The following FBXW11 variants were observed in gnomAD, a reference collection of about 807,000 sequenced individuals.
The protein encoded by FBXW11 is F-box and WD repeat domain containing 11.
In FBXW11, 19 loss-of-function variants were observed where a neutral mutation model predicts 77.6. The observed-to-expected ratio is 0.24, with a 90% CI of 0.17 to 0.36. The LOEUF (loss-of-function observed/expected upper bound fraction) is 0.36. Ranked by LOEUF, FBXW11 falls within the 10% of genes least tolerant of loss-of-function variation. FBXW11 has a pLI of 1.00. For missense variants in FBXW11, 334 were observed against 704.2 expected, an observed-to-expected ratio of 0.47 and a Z score of 5.95; for synonymous variants, 235 against 249.4, an observed-to-expected ratio of 0.94 and a Z score of 0.54.
At chr5:171,868,886 G>C in intron 12 of FBXW11, 90 bp from the exon 13 acceptor site, 2 of 1,252,966 alleles carry the variant, frequency 1.6e-6, no homozygotes, top group Non-Finnish European at 1.1e-6. Flanking sequence ...TGAAAATGCA[G>C]CCACTTAAAC....
At chr5:172,000,523 T>C (rs1219550037) in intron 1 of FBXW11, among the ~76,000 whole-genome samples, 1 of 152,206 alleles carries the variant, frequency 6.6e-6, no homozygotes, top group Non-Finnish European at 1.5e-5. Flanking sequence ...AATGTATGGC[T>C]AAAAGCAACT....
intron 1 of FBXW11, among the ~76,000 whole-genome samples, chr5:171,976,947 A>T (rs955128738): frequency 1.4e-4 from 21 of 151,904 alleles, no homozygotes; most frequent in Admixed American, 4.6e-4. Context: ...CTGGGAGGCT[A>T]AGGCAGGAGA....
At chr5:171,885,749 T>G (rs868240000) in intron 7 of FBXW11, among the ~76,000 whole-genome samples, 1 of 152,246 alleles carries the variant, frequency 6.6e-6, no homozygotes, top group Admixed American at 6.5e-5. Flanking sequence ...ACATGTACAA[T>G]ACTATCATAA....
At chr5:171,982,116 C>T (rs893832125) in intron 1 of FBXW11, among the ~76,000 whole-genome samples, 1 of 152,042 alleles carries the variant, frequency 6.6e-6, no homozygotes, top group Non-Finnish European at 1.5e-5. Context: ...ATATATATTT[C>T]TCAAAACTCA....
chr5:171,888,543 C>A (rs541370328), intron 7 of FBXW11, among the ~76,000 whole-genome samples: 1 of 152,202 alleles, frequency 6.6e-6, no homozygotes, highest in Non-Finnish European at 1.5e-5. Context: ...TGTTCTGAAC[C>A]CAACTAAGTT....
chr5:171,898,963 A>G, intron 6 of FBXW11, 41 bp downstream of exon 6: 1 of 1,306,754 alleles, frequency 7.7e-7, no homozygotes, highest in South Asian at 1.3e-5. Flanking sequence ...GTTGAGAACA[A>G]GAAACAAAGA....
intron 1 of FBXW11, among the ~76,000 whole-genome samples, chr5:172,006,043 C>T (rs1766739755): frequency 6.6e-6 from 1 of 152,082 alleles, no homozygotes; most frequent in Non-Finnish European, 1.5e-5. Flanking sequence ...GTACTCCTTC[C>T]CACCATCTCA....
In FBXW11 at chr5:171,935,000, C is replaced by G. The variant is rs1414239330; in HGVS notation, c.148-20595G>C. On this transcript the variant is annotated intron_variant, in intron 2 of 13. Transcript: ENST00000517395. Reference sequence around the variant, plus strand: ...TTGAGACGGAGTCTCGCTCTGTAGCCCAGGCTGGAGTGCTGTGGCTTGATC... The same window carrying G: ...TTGAGACGGAGTCTCGCTCTGTAGCGCAGGCTGGAGTGCTGTGGCTTGATC... 3.3e-5 allele frequency among the ~76,000 whole-genome samples: 5 copies of G among 152,236 alleles called. No homozygotes were observed. In the East Asian group the frequency reaches 7.7e-4, roughly 23 times the overall value.
chr5:171,922,935 G>A (rs1287154053), intron 2 of FBXW11, among the ~76,000 whole-genome samples: 1 of 152,106 alleles, frequency 6.6e-6, no homozygotes, highest in African/African-American at 2.4e-5. Flanking sequence ...GTGTGTGTGT[G>A]ACAGAGTCAT....
intron 3 of FBXW11, among the ~76,000 whole-genome samples, chr5:171,913,372 A>G (rs1230872563): frequency 6.6e-6 from 1 of 152,136 alleles, no homozygotes; most frequent in Admixed American, 6.5e-5. Context: ...TGAAAGCTAA[A>G]GTGTGAAGAA....
intron 2 of FBXW11, among the ~76,000 whole-genome samples, chr5:171,951,512 G>A (rs775200689): frequency 2.0e-5 from 3 of 151,934 alleles, no homozygotes; most frequent in Non-Finnish European, 4.4e-5. Flanking sequence ...ACTCCAGCCT[G>A]GGCAACAGAG....
intron 13 of FBXW11, among the ~76,000 whole-genome samples, chr5:171,864,985 A>C (rs1380799377): frequency 2.0e-5 from 3 of 151,668 alleles, no homozygotes; most frequent in Non-Finnish European, 4.4e-5. Flanking sequence ...AAAAAGCAAG[A>C]GAGACTTTTT....
intron 6 of FBXW11, among the ~76,000 whole-genome samples, chr5:171,893,993 G>T (rs1327232490): frequency 1.4e-5 from 2 of 144,086 alleles, no homozygotes; most frequent in African/African-American, 5.2e-5. Context: ...GGATGGGGGG[G>T]AATCTCTATA....
chr5:171,940,562 G>T (rs1289757694), intron 2 of FBXW11, among the ~76,000 whole-genome samples: 1 of 152,060 alleles, frequency 6.6e-6, no homozygotes, highest in Admixed American at 6.5e-5. Flanking sequence ...CAGAAAATAA[G>T]GAAGTACTTA....
intron 10 of FBXW11, among the ~76,000 whole-genome samples, 172 bp downstream of exon 10, chr5:171,872,700 G>A (rs754658398): frequency 1.3e-5 from 2 of 152,162 alleles, no homozygotes; most frequent in African/African-American, 2.4e-5. Flanking sequence ...GGGCACACAC[G>A]GTTTTCCCAC....
intron 7 of FBXW11, among the ~76,000 whole-genome samples, chr5:171,878,797 ATTTTT>A (rs767550648): frequency 2.0e-4 from 30 of 151,926 alleles, no homozygotes; most frequent in Non-Finnish European, 4.1e-4. Context: ...TTGTCATTTT[ATTTTT>A]ATGTCTCATA....
At chr5:171,954,746 G>C (rs1302254373) in intron 2 of FBXW11, among the ~76,000 whole-genome samples, 1 of 152,162 alleles carries the variant, frequency 6.6e-6, no homozygotes, top group Non-Finnish European at 1.5e-5. Context: ...TTGGCAAAAA[G>C]AATGGCAACT....
intron 7 of FBXW11, among the ~76,000 whole-genome samples, chr5:171,878,484 C>A (rs1758252048): frequency 6.6e-6 from 1 of 151,724 alleles, no homozygotes; most frequent in Non-Finnish European, 1.5e-5. Context: ...GAGGCCGAGA[C>A]AGAAGGATCG....
intron 4 of FBXW11, among the ~76,000 whole-genome samples, chr5:171,909,817 G>A (rs1329691131): frequency 1.3e-5 from 2 of 152,044 alleles, no homozygotes; most frequent in Non-Finnish European, 2.9e-5. Flanking sequence ...ATAAAGACAT[G>A]CTACCAGTTT....
Sources: gnomAD v4.1 joint callset for allele counts (sites outside exome capture counted in the v4.1 genomes callset) on GRCh38, gnomAD v4.1.1 for gene constraint, MANE v1.5 for transcripts, NCBI Gene and HGNC (gene_info 2026-07-23, HGNC 2026-07-21) for gene names.